SEMA3D: variants seen among roughly 807,000 people sequenced by gnomAD.
SEMA3D encodes the protein semaphorin-3D.
Under a neutral mutation model 100.1 loss-of-function variants are expected in SEMA3D, and 84 were observed. That is an observed-to-expected ratio of 0.84 (90% CI 0.70 to 1.01). The LOEUF (loss-of-function observed/expected upper bound fraction) is 1.01, where lower values mean the gene tolerates loss of function less well. Ranked by LOEUF, SEMA3D falls within the 50% of genes least tolerant of loss-of-function variation. The pLI is 0.00. For synonymous variants in SEMA3D, 312 were observed against 320.7 expected (o/e 0.97, Z 0.29); for missense variants, 875 against 934.1 (o/e 0.94, Z 0.82).
intron 17 of SEMA3D, among the ~76,000 whole-genome samples, chr7:85,012,025 G>A (rs1322048132): frequency 6.6e-6 from 1 of 151,598 alleles, no homozygotes; most frequent in East Asian, 2.0e-4. Context: ...TAAAGTAGCT[G>A]CAGCTCTGGA....
rs542245594 is a variant in SEMA3D at position 85,036,942 on chromosome 7, C to G, written c.1138G>C (p.Asp380His). The G allele has an allele frequency of 6.4e-4, 1,028 of 1,613,292 alleles. 13 individuals are homozygous for G. In the South Asian group the frequency reaches 0.011, roughly 17 times the overall value. ...NGPYAHKESA[D>H]HRWVQYDGRI... The stretch of plus-strand genomic sequence containing the variant: ...CCATCATACTGCACCCAACGATGGT[C>G]TGCACTTTCCTTATGAGCATATGGA... The change falls in exon 12 of 19, where the codon GAC (aspartate) becomes CAC (histidine). Residue 380 changes from aspartate to histidine, a missense_variant. By Grantham distance (81) the Asp-to-His change is moderately conservative. Coordinates refer to ENST00000284136, the MANE Select transcript of SEMA3D (RefSeq NM_001384900.1).
Position 85,142,782 on chromosome 7 carries a change from G to C in SEMA3D, c.-41+10826C>G, listed in dbSNP as rs915701518. ...AAGATTCCCAGACTAACCACATGAT[G>C]TGAATGGAATAACCTTTTCTCTCTT... On this transcript the variant is annotated intron_variant, in intron 2 of 18. Transcript: ENST00000284136. 1.8e-5 allele frequency: 18 copies of C among 983,192 alleles called. No homozygotes were observed. The African/African-American group carries it at 2.8e-4, about 15-fold the overall frequency. The allele number at this position is 983,192 out of a possible 1,614,324, so 60.9% of individuals were successfully genotyped here.
intron 13 of SEMA3D, among the ~76,000 whole-genome samples, chr7:85,021,681 C>G (rs1790261204): frequency 6.6e-6 from 1 of 151,552 alleles, no homozygotes; most frequent in South Asian, 2.1e-4. Flanking sequence ...ATGCTTGATC[C>G]ATTAAGTTAT....
chr7:85,036,738 T>A, intron 12 of SEMA3D, 151 bp downstream of exon 12: 1 of 599,202 alleles, frequency 1.7e-6, no homozygotes, highest in East Asian at 3.0e-5. Flanking sequence ...AATGTTAAAT[T>A]TCAATGAAGG....
intron 18 of SEMA3D, among the ~76,000 whole-genome samples, chr7:85,005,821 T>C (rs80311545): frequency 0.04 from 6,061 of 152,016 alleles, 353 homozygotes; most frequent in East Asian, 0.22. Context: ...CATCGCCCAA[T>C]ATTGGCACTC....
At chr7:85,093,667 G>A (rs973742145) in intron 4 of SEMA3D, among the ~76,000 whole-genome samples, 1 of 151,884 alleles carries the variant, frequency 6.6e-6, no homozygotes, top group Non-Finnish European at 1.5e-5. Context: ...AAGTAATATA[G>A]TGGTTTCTTA....
At chr7:85,043,925 G>A (rs1790932172) in intron 9 of SEMA3D, among the ~76,000 whole-genome samples, 1 of 151,978 alleles carries the variant, frequency 6.6e-6, no homozygotes, top group South Asian at 2.1e-4. Context: ...TCAGAAGCGT[G>A]AAAACAGACT....
intron 1 of SEMA3D, chr7:85,157,649 A>G: frequency 1.0e-6 from 1 of 983,270 alleles, no homozygotes; most frequent in African/African-American, 1.7e-5. Context: ...CCGTACATAC[A>G]TCAACATTGT....
At chr7:85,115,612 T>G (rs1328950170) in intron 3 of SEMA3D, among the ~76,000 whole-genome samples, 1 of 152,146 alleles carries the variant, frequency 6.6e-6, no homozygotes, top group East Asian at 1.9e-4. Flanking sequence ...CTATTCTTTT[T>G]CTTTTTAAGG....
At chr7:85,202,661 C>T in the SEMA3D span, among the ~76,000 whole-genome samples, 10 of 151,898 alleles carry the variant, frequency 6.6e-5, no homozygotes, top group Non-Finnish European at 1.3e-4. Flanking sequence ...AGCAAACAAC[C>T]CCATCAAAAA....
the SEMA3D span, among the ~76,000 whole-genome samples, chr7:85,208,170 T>G: frequency 4.6e-5 from 7 of 152,036 alleles, no homozygotes; most frequent in Non-Finnish European, 8.8e-5. Context: ...GTAACTACCC[T>G]AAGTGTAAAA....
At chr7:85,218,269 T>G in the SEMA3D span, among the ~76,000 whole-genome samples, 1 of 152,128 alleles carries the variant, frequency 6.6e-6, no homozygotes, top group Admixed American at 6.6e-5. Context: ...ACTATCAAAA[T>G]GTATTCTTAA....
intron 9 of SEMA3D, among the ~76,000 whole-genome samples, chr7:85,050,140 TCAGA>T (rs1295860920): frequency 7.2e-6 from 1 of 139,412 alleles, no homozygotes; most frequent in Non-Finnish European, 1.6e-5. Context: ...GTAATAAACA[TCAGA>T]CAGACATAAA....
chr7:85,043,278 A>G (rs904137944), intron 9 of SEMA3D, among the ~76,000 whole-genome samples: 10 of 152,066 alleles, frequency 6.6e-5, no homozygotes, highest in African/African-American at 2.4e-4. Context: ...AAGATCACTT[A>G]AGCCCAGGGG....
chr7:85,110,811 A>G (rs1789072414), intron 3 of SEMA3D, among the ~76,000 whole-genome samples: 1 of 152,056 alleles, frequency 6.6e-6, no homozygotes, highest in Non-Finnish European at 1.5e-5. Flanking sequence ...GCTAATGCCT[A>G]TATCACAATT....
At chr7:85,174,787 G>A (rs1018002175) in intron 1 of SEMA3D, among the ~76,000 whole-genome samples, 4 of 152,180 alleles carry the variant, frequency 2.6e-5, no homozygotes, top group South Asian at 2.1e-4. Context: ...AGAGTTGGTG[G>A]CAATAAAATA....
At chr7:85,066,037 C>A (rs186528093) in intron 7 of SEMA3D, among the ~76,000 whole-genome samples, 1 of 152,188 alleles carries the variant, frequency 6.6e-6, no homozygotes, top group African/African-American at 2.4e-5. Flanking sequence ...GCTTTCAGCA[C>A]TGAAGTCATT....
At chr7:85,077,104 TAAA>T (rs558239429) in intron 5 of SEMA3D, among the ~76,000 whole-genome samples, 7 of 124,456 alleles carry the variant, frequency 5.6e-5, no homozygotes, top group Admixed American at 4.2e-4. Context: ...AGACTCCGTC[TAAA>T]AAAAAAAAAA....
At chr7:85,144,088 T>C (rs2116469701) in intron 2 of SEMA3D, among the ~76,000 whole-genome samples, 1 of 152,212 alleles carries the variant, frequency 6.6e-6, no homozygotes, top group Admixed American at 6.5e-5. Flanking sequence ...TCTTATATAT[T>C]TAATCCAATA....
Sources: gnomAD v4.1 joint callset for allele counts (sites outside exome capture counted in the v4.1 genomes callset) on GRCh38, gnomAD v4.1.1 for gene constraint, MANE v1.5 for transcripts, NCBI Gene and HGNC (gene_info 2026-07-23, HGNC 2026-07-21) for gene names.